SEC24B: variants seen among roughly 807,000 people sequenced by gnomAD.
The protein encoded by SEC24B is SEC24 homolog B, COPII component, also known as protein transport protein Sec24B.
In SEC24B, 45 loss-of-function variants were observed where a neutral mutation model predicts 142.8. That is an observed-to-expected ratio of 0.32 (90% CI 0.25 to 0.40). The LOEUF (loss-of-function observed/expected upper bound fraction) is 0.40. Ranked by LOEUF, SEC24B falls within the 10% of genes least tolerant of loss-of-function variation. SEC24B has a pLI of 1.00. For missense variants in SEC24B, 1,409 were observed against 1,526.8 expected (o/e 0.92, Z 1.29); for synonymous variants, 574 against 568.2 (o/e 1.01, Z -0.15).
chr4:109,462,896 T>TC lies in SEC24B; in HGVS notation c.134-5_134-4insC. On this transcript the variant is annotated splice_region_variant and splice_polypyrimidine_tract_variant and intron_variant, in intron 1 of 23. Transcript: ENST00000265175. ...ACAAATACCTGTAAATACTTGCTTT[T>TC]TCAGGTCCAGCCCAGAATCAAATGC... The TC allele has an allele frequency of 6.3e-7, 1 of 1,593,168 alleles. No individual in the cohort carries two copies. Among genetic ancestry groups the TC allele is most frequent in the Non-Finnish European group, 8.5e-7 (1 of 1,174,220 alleles).
chr4:109,521,069 G>A (rs746973026), intron 12 of SEC24B, 48 bp from the exon 13 acceptor site: 1 of 1,158,884 alleles, frequency 8.6e-7, no homozygotes, highest in Non-Finnish European at 1.3e-6. Context: ...ATTTTCTAAT[G>A]TATTCTTTTG....
chr4:109,463,194 C>T lies in SEC24B; in HGVS notation c.427C>T (p.His143Tyr), dbSNP rs763544109. ...CCAAGGTGCTGCATCGTCAGCATCC[C>T]ATTTGCATACGAGTGCCTCCCAACC... ...SFQGAASSAS[H>Y]LHTSASQPYS... Residue 143 changes from histidine (H) to tyrosine (Y), a missense_variant, in exon 2 of 24, where the codon CAT becomes TAT. By Grantham distance (83) the His-to-Tyr change is moderately conservative. Around this residue, in one of 2 missense-constraint regions of SEC24B, gnomAD observed 709 missense variants for 673.5 expected, o/e 1.05. Coordinates refer to ENST00000265175, the MANE Select transcript of SEC24B (RefSeq NM_006323.5). 1.2e-6 allele frequency: 2 copies of T among 1,614,078 alleles called. No homozygotes were observed. The highest frequency in any genetic ancestry group is 1.7e-5 in the Admixed American group (1 of 59,996).
intron 1 of SEC24B, among the ~76,000 whole-genome samples, chr4:109,459,091 A>C (rs1387726792): frequency 2.6e-5 from 4 of 152,246 alleles, no homozygotes; most frequent in African/African-American, 9.6e-5. Context: ...GTATATGTGT[A>C]CATAATGCAC....
At chr4:109,527,251 A>G in intron 17 of SEC24B, 71 bp from the exon 18 acceptor site, 1 of 1,072,706 alleles carries the variant, frequency 9.3e-7, no homozygotes, top group Non-Finnish European at 1.4e-6. Flanking sequence ...GAAAGAAAAA[A>G]AGTATTTGAC....
intron 5 of SEC24B, 76 bp downstream of exon 5, chr4:109,491,483 A>G (rs944075370): frequency 1.9e-6 from 2 of 1,036,044 alleles, no homozygotes; most frequent in African/African-American, 1.6e-5. Flanking sequence ...GTGAACATGT[A>G]TTACACATAA....
intron 1 of SEC24B, 29 bp from the exon 2 acceptor site, chr4:109,462,872 C>T (rs1047998187): frequency 1.3e-6 from 2 of 1,482,652 alleles, no homozygotes; most frequent in African/African-American, 3.2e-5. Context: ...TATCTCTTTA[C>T]AAATACCTGT....
At position 109,433,886 on chromosome 4, in the gene SEC24B, G is replaced by C. The variant is rs1728099668; in HGVS notation, c.17G>C (p.Gly6Ala). MSAPA[G>A]SSHPAASARI... ...AGCGCCGTCATGTCGGCCCCCGCCGGGTCCTCTCACCCGGCCGCCAGCGCC... is the reference window on the plus strand; with the variant it reads ...AGCGCCGTCATGTCGGCCCCCGCCGCGTCCTCTCACCCGGCCGCCAGCGCC... The change falls in exon 1 of 24, where the codon GGG becomes GCG. Residue 6 changes from glycine to alanine, a missense_variant. Around this residue, in one of 2 missense-constraint regions of SEC24B, gnomAD observed 709 missense variants for 673.5 expected, o/e 1.05. Coordinates refer to ENST00000265175, the MANE Select transcript of SEC24B (RefSeq NM_006323.5). The C allele has an allele frequency of 7.4e-7, 1 of 1,344,280 alleles. No homozygotes were observed. Among genetic ancestry groups the C allele is most frequent in the Admixed American group, 3.0e-5 (1 of 32,880 alleles). The allele number at this position is 1,344,280 out of a possible 1,614,324, so 83.3% of individuals were successfully genotyped here.
At chr4:109,441,894 G>T (rs956236432) in intron 1 of SEC24B, among the ~76,000 whole-genome samples, 3 of 152,166 alleles carry the variant, frequency 2.0e-5, no homozygotes, top group African/African-American at 7.2e-5. Flanking sequence ...TCATCCTCAG[G>T]TATATTTGCA....
At chr4:109,490,229 T>C (rs1734874418) in intron 4 of SEC24B, among the ~76,000 whole-genome samples, 1 of 152,074 alleles carries the variant, frequency 6.6e-6, no homozygotes, top group Admixed American at 6.5e-5. Flanking sequence ...AACTGCAGTC[T>C]TTGCCTCCAA....
At position 109,524,975 on chromosome 4, in the gene SEC24B, A is replaced by G. The variant is rs568901845; in HGVS notation, c.2632+34A>G. On this transcript the variant is annotated intron_variant, in intron 15 of 23. Coordinates refer to ENST00000265175, the MANE Select transcript of SEC24B (RefSeq NM_006323.5). ...AGTCATCATGGGTACATTTGTTTAA[A>G]TGAACATTTTTAATGCATAATTAAA... 3.7e-5 allele frequency: 58 copies of G among 1,563,756 alleles called. No homozygotes were observed. In the South Asian group the frequency reaches 6.9e-4, roughly 19 times the overall value.
chr4:109,531,367 T>C lies in SEC24B; in HGVS notation c.3253-18T>C. ...ATATTTGTATTTTACTTGAAAACGT[T>C]TATCTTTTTCCTTGTAGAAAGCATT... On this transcript the variant is annotated intron_variant, in intron 19 of 23. Transcript: ENST00000265175. 4 of 1,589,424 alleles carry C rather than the reference T, an allele frequency of 2.5e-6. No homozygotes were observed. The highest frequency in any genetic ancestry group is 3.4e-6 in the Non-Finnish European group (4 of 1,165,748).
rs574166114 is a variant in SEC24B, at chr4:109,462,858, T to C, written c.134-43T>C. 3.5e-6 allele frequency: 5 copies of C among 1,425,826 alleles called. No homozygotes were observed. In the Admixed American group the frequency reaches 8.7e-5, roughly 25 times the overall value. The allele number at this position is 1,425,826 out of a possible 1,614,324, so 88.3% of individuals were successfully genotyped here. A position where few individuals can be genotyped will look rare whatever the true frequency, so the allele number is the denominator to read the frequency against. On this transcript the variant is annotated intron_variant, in intron 1 of 23. Transcript: ENST00000265175. ...TTAAATGGGGGCTATTTTTAAAAAT[T>C]AGTTATCTCTTTACAAATACCTGTA... is the stretch of plus-strand genomic sequence containing the variant.
chr4:109,492,452 A>G (rs1187447340), intron 5 of SEC24B, among the ~76,000 whole-genome samples: 1 of 152,188 alleles, frequency 6.6e-6, no homozygotes, highest in African/African-American at 2.4e-5. Flanking sequence ...TTAATGTGAA[A>G]TGAAATGTCT....
intron 11 of SEC24B, among the ~76,000 whole-genome samples, chr4:109,519,599 A>C (rs1723386242): frequency 6.6e-6 from 1 of 152,180 alleles, no homozygotes; most frequent in Non-Finnish European, 1.5e-5. Context: ...TGATCTTAGA[A>C]GTCTCACAGG....
chr4:109,471,140 A>G (rs1354132721), intron 2 of SEC24B, among the ~76,000 whole-genome samples: 1 of 152,096 alleles, frequency 6.6e-6, no homozygotes. Flanking sequence ...TATACCTGAT[A>G]TGATTTCATT....
At chr4:109,535,318 C>A (rs569873544) in intron 22 of SEC24B, among the ~76,000 whole-genome samples, 4 of 152,048 alleles carry the variant, frequency 2.6e-5, no homozygotes, top group Non-Finnish European at 4.4e-5. Flanking sequence ...CTTTGGGAAG[C>A]CTAGGTGGGT....
In SEC24B at chr4:109,526,208, T is replaced by C. The variant is rs1724204790; in HGVS notation, c.2792-18T>C. 8.7e-6 allele frequency: 14 copies of C among 1,609,636 alleles called. No homozygotes were observed. The highest frequency in any genetic ancestry group is 1.2e-5 in the Non-Finnish European group (14 of 1,178,374). On this transcript the variant is annotated intron_variant, in intron 16 of 23. Transcript: ENST00000265175. ...ATACTATTGTTAACTTGATTTTTTA[T>C]GATTTTCTCCTTTTTAGGTCTTTCA...
At chr4:109,494,186 G>A (rs1397722971) in intron 5 of SEC24B, among the ~76,000 whole-genome samples, 2 of 151,894 alleles carry the variant, frequency 1.3e-5, no homozygotes, top group Admixed American at 6.6e-5. Context: ...CAACTCAAGG[G>A]GCTCACACCT....
chr4:109,528,375 G>A (rs886412638), intron 18 of SEC24B, among the ~76,000 whole-genome samples: 2 of 150,724 alleles, frequency 1.3e-5, no homozygotes, highest in Non-Finnish European at 2.9e-5. Context: ...GCAGTGAGCC[G>A]AGCCGAGGTC....
Sources: gnomAD v4.1 joint callset for allele counts (sites outside exome capture counted in the v4.1 genomes callset) on GRCh38, gnomAD v4.1.1 for gene constraint, gnomAD v4.1.1 regional missense constraint, MANE v1.5 for transcripts, NCBI Gene and HGNC (gene_info 2026-07-23, HGNC 2026-07-21) for gene names.